Variants in TRDN observed in about 807,000 individuals in gnomAD.
The protein encoded by TRDN is triadin.
Under a neutral mutation model 149.7 loss-of-function variants are expected in TRDN, and 161 were observed. That is an observed-to-expected ratio of 1.08 (90% CI 0.95 to 1.23). The LOEUF (loss-of-function observed/expected upper bound fraction) is 1.23. Ranked by LOEUF, TRDN falls within the 50% of genes most tolerant of loss-of-function variation. The pLI is 0.00. For missense variants in TRDN, 896 were observed against 823.5 expected (o/e 1.09, Z -1.08); for synonymous variants, 294 against 250.5 (o/e 1.17, Z -1.64).
intron 19 of TRDN, among the ~76,000 whole-genome samples, chr6:123,368,926 G>A (rs761883860): frequency 6.6e-6 from 1 of 152,074 alleles, no homozygotes; most frequent in Non-Finnish European, 1.5e-5. Context: ...AATCACTCAC[G>A]TATTTTCTGT....
intron 1 of TRDN, among the ~76,000 whole-genome samples, chr6:123,623,738 C>A (rs1785512387): frequency 6.6e-6 from 1 of 152,136 alleles, no homozygotes; most frequent in Non-Finnish European, 1.5e-5. Context: ...AATTTAGAAA[C>A]ATTCTTCAAA....
chr6:123,230,773 A>G (rs186069588), intron 38 of TRDN, among the ~76,000 whole-genome samples: 1 of 152,088 alleles, frequency 6.6e-6, no homozygotes, highest in East Asian at 1.9e-4. Context: ...AAAATCATAA[A>G]CAGATTTTTA....
At chr6:123,371,148 T>C (rs1457589042) in intron 19 of TRDN, among the ~76,000 whole-genome samples, 2 of 152,246 alleles carry the variant, frequency 1.3e-5, no homozygotes, top group African/African-American at 4.8e-5. Context: ...CAAGAAACTG[T>C]ATATTTTCCT....
At chr6:123,622,126 A>G (rs1021749123) in intron 1 of TRDN, among the ~76,000 whole-genome samples, 1 of 152,042 alleles carries the variant, frequency 6.6e-6, no homozygotes, top group African/African-American at 2.4e-5. Flanking sequence ...CAGCAAACCA[A>G]TCCTTCCTCT....
chr6:123,277,419 T>C (rs1364597037), intron 26 of TRDN, among the ~76,000 whole-genome samples: 1 of 152,162 alleles, frequency 6.6e-6, no homozygotes, highest in Admixed American at 6.6e-5. Context: ...AAGGTATGCT[T>C]ACATCCTAAC....
chr6:123,385,076 C>T (rs1781856223), intron 14 of TRDN, among the ~76,000 whole-genome samples: 1 of 152,156 alleles, frequency 6.6e-6, no homozygotes, highest in Non-Finnish European at 1.5e-5. Context: ...CCGTCATTCA[C>T]TCATCTGTAG....
At chr6:123,513,066 G>A (rs1452918368) in intron 6 of TRDN, among the ~76,000 whole-genome samples, 1 of 152,128 alleles carries the variant, frequency 6.6e-6, no homozygotes, top group Non-Finnish European at 1.5e-5. Flanking sequence ...GCCTCAGAAA[G>A]CCTAATATTC....
At chr6:123,469,268 G>A (rs535995654) in intron 9 of TRDN, among the ~76,000 whole-genome samples, 9 of 152,148 alleles carry the variant, frequency 5.9e-5, no homozygotes, top group Non-Finnish European at 1.0e-4. Context: ...ATTGTGCTAA[G>A]GTTGTGTGTT....
At chr6:123,539,797 A>G (rs902126838) in intron 4 of TRDN, among the ~76,000 whole-genome samples, 1 of 152,218 alleles carries the variant, frequency 6.6e-6, no homozygotes, top group Non-Finnish European at 1.5e-5. Context: ...GCAGTTATTC[A>G]TTTATCTTTG....
Position 123,316,477 on chromosome 6 carries a change from TC to T in TRDN, c.1489del (p.Asp497MetfsTer49). 6.2e-7 allele frequency: 1 copy of T among 1,610,552 alleles called. No individual in the cohort carries two copies. The highest frequency in any genetic ancestry group is 8.5e-7 in the Non-Finnish European group (1 of 1,177,746). ...CTTACCTGCTTTGGACATCTTTTCA[TC>T]TTTTTTAGTTTCAGGTTCTGGGGCA... ...LKEKEPETKK[D>X]EKMSKAGKEV... On this transcript the variant is annotated frameshift_variant, in exon 24 of 41. Transcript: ENST00000334268. LOFTEE classifies it high-confidence loss of function.
intron 20 of TRDN, among the ~76,000 whole-genome samples, chr6:123,356,503 TTATATATATATATATATATATATATA>T (rs71021444): frequency 1.7e-3 from 180 of 106,982 alleles, no homozygotes; most frequent in African/African-American, 5.4e-3. Flanking sequence ...TACAAGAAGT[TTATATATATATATATATATATATATA>T]TATATATATA....
chr6:123,402,648 G>A (rs1466409884), intron 12 of TRDN, among the ~76,000 whole-genome samples: 1 of 152,090 alleles, frequency 6.6e-6, no homozygotes, highest in Non-Finnish European at 1.5e-5. Context: ...GCAGTGTTTT[G>A]AAGAGATAAA....
At chr6:123,483,247 CGT>C (rs1163716641) in intron 9 of TRDN, among the ~76,000 whole-genome samples, 1 of 151,234 alleles carries the variant, frequency 6.6e-6, no homozygotes, top group Non-Finnish European at 1.5e-5. Context: ...GGACTACAGG[CGT>C]GTGCCACCAT....
At chr6:123,580,727 T>C (rs551979801) in intron 1 of TRDN, among the ~76,000 whole-genome samples, 2 of 152,302 alleles carry the variant, frequency 1.3e-5, no homozygotes, top group South Asian at 4.1e-4. Context: ...CAACCTTGTA[T>C]AAATAATGTT....
chr6:123,251,899 T>C (rs895308280), intron 38 of TRDN, among the ~76,000 whole-genome samples: 29 of 152,010 alleles, frequency 1.9e-4, no homozygotes, highest in Non-Finnish European at 4.0e-4. Context: ...TACACAATTA[T>C]ATTTAGGTTT....
At chr6:123,443,578 G>A (rs1389362862) in intron 10 of TRDN, among the ~76,000 whole-genome samples, 3 of 152,088 alleles carry the variant, frequency 2.0e-5, no homozygotes, top group African/African-American at 7.2e-5. Context: ...GGATCACGAG[G>A]TCAGGAGATC....
At chr6:123,381,261 C>T (rs1781709613) in intron 16 of TRDN, 109 bp downstream of exon 16, 2 of 1,015,004 alleles carry the variant, frequency 2.0e-6, no homozygotes, top group East Asian at 5.3e-5. Flanking sequence ...AGTTCACATG[C>T]ATAAAACATA....
chr6:123,400,190 A>ATATATATATATATATATATAT (rs1562295327), intron 12 of TRDN, among the ~76,000 whole-genome samples: 9 of 46,538 alleles, frequency 1.9e-4, no homozygotes, highest in African/African-American at 3.4e-4. Flanking sequence ...TATATATATA[A>ATATATATATATATATATATAT]ACACACACAT....
At chr6:123,513,714 T>C (rs955502480) in intron 6 of TRDN, among the ~76,000 whole-genome samples, 2 of 152,104 alleles carry the variant, frequency 1.3e-5, no homozygotes, top group Admixed American at 1.3e-4. Context: ...TTTTCTTTTT[T>C]TTCTGTAGGT....
Sources: gnomAD v4.1 joint callset for allele counts (sites outside exome capture counted in the v4.1 genomes callset) on GRCh38, gnomAD v4.1.1 for gene constraint, MANE v1.5 for transcripts, NCBI Gene and HGNC (gene_info 2026-07-23, HGNC 2026-07-21) for gene names.